Variants in SPOCK1 observed in about 807,000 individuals in gnomAD.
SPOCK1 encodes testican-1.
SPOCK1 carries 23 observed loss-of-function variants against 55.3 expected under a neutral mutation model. The ratio of observed to expected loss-of-function variants is 0.42; its 90% confidence interval spans 0.30 to 0.59. SPOCK1 has a LOEUF of 0.59. SPOCK1 is among the 20% of genes least tolerant of loss of function. The probability of loss-of-function intolerance (pLI) is 0.22; values close to 1 mark genes in which losing one functional copy is unlikely to be tolerated. For synonymous variants in SPOCK1, 226 were observed against 221.0 expected (o/e 1.02, Z -0.20); for missense variants, 499 against 552.5 (o/e 0.90, Z 0.97).
chr5:137,195,075 C>T (rs187152004), intron 3 of SPOCK1, among the ~76,000 whole-genome samples: 1 of 152,320 alleles, frequency 6.6e-6, no homozygotes, highest in Non-Finnish European at 1.5e-5. Context: ...TTAAATTCAC[C>T]ACACGGCAAA....
chr5:137,197,468 G>A (rs577452378), intron 3 of SPOCK1, among the ~76,000 whole-genome samples: 100 of 152,232 alleles, frequency 6.6e-4, no homozygotes, highest in Middle Eastern at 6.8e-3. Flanking sequence ...ACAAGGTCAG[G>A]TTAAGAATCA....
At position 137,066,985 on chromosome 5, in the gene SPOCK1, C is replaced by G. The variant is rs867120024; in HGVS notation, c.589+730G>C. 1.3e-4 allele frequency among the ~76,000 whole-genome samples: 16 copies of G among 121,684 alleles called. 1 individual carries two copies. Among genetic ancestry groups the G allele is most frequent in the African/African-American group, 4.2e-4 (15 of 35,488 alleles). The allele number at this position is 121,684 out of a possible 152,430, so 79.8% of individuals were successfully genotyped here. ...GCATACACACACACACACACACACA[C>G]ACAGAGAGAGAGAGAGAGAGAGAGA... On this transcript the variant is annotated intron_variant, in intron 6 of 10. Transcript: ENST00000394945.
At chr5:137,452,798 C>T (rs777836762) in intron 2 of SPOCK1, among the ~76,000 whole-genome samples, 1 of 152,192 alleles carries the variant, frequency 6.6e-6, no homozygotes, top group Admixed American at 6.5e-5. Flanking sequence ...CTGTTTCCTC[C>T]ACTGCTCTAT....
intron 2 of SPOCK1, among the ~76,000 whole-genome samples, chr5:137,272,137 C>T (rs1018936427): frequency 1.3e-5 from 2 of 152,140 alleles, no homozygotes; most frequent in African/African-American, 4.8e-5. Context: ...TTGTAGATCC[C>T]AGATGGAGGC....
In SPOCK1 at chr5:137,111,429, C is replaced by G. The variant is rs570699959; in HGVS notation, c.474+1006G>C. 9.0e-4 allele frequency among the ~76,000 whole-genome samples: 137 copies of G among 152,268 alleles called. 1 individual carries two copies. The highest frequency in any genetic ancestry group is 3.2e-3 in the African/African-American group (133 of 41,534). On this transcript the variant is annotated intron_variant, in intron 5 of 10. Coordinates refer to ENST00000394945, the MANE Select transcript of SPOCK1 (RefSeq NM_004598.4). ...GGAGGAGATGGGGAGGGCAAGAGCT[C>G]TACTCCCACCCACCATGTCTTACAG...
At chr5:137,168,052 TAAAC>T (rs1489676619) in intron 3 of SPOCK1, among the ~76,000 whole-genome samples, 4 of 151,858 alleles carry the variant, frequency 2.6e-5, no homozygotes. Flanking sequence ...TCTGAAAAGA[TAAAC>T]AAAATTGACA....
chr5:137,490,195 CA>C (rs772880776), intron 2 of SPOCK1, among the ~76,000 whole-genome samples: 37 of 152,330 alleles, frequency 2.4e-4, no homozygotes, highest in Non-Finnish European at 4.4e-4. Flanking sequence ...AAGCCACAAC[CA>C]ACCTGCTTGG....
intron 2 of SPOCK1, among the ~76,000 whole-genome samples, chr5:137,363,047 G>A (rs1257840426): frequency 6.6e-6 from 1 of 152,216 alleles, no homozygotes; most frequent in Non-Finnish European, 1.5e-5. Context: ...CCTCATGACA[G>A]TAATCAATCC....
intron 2 of SPOCK1, among the ~76,000 whole-genome samples, chr5:137,268,050 C>G (rs1359732809): frequency 6.6e-6 from 1 of 152,202 alleles, no homozygotes; most frequent in Non-Finnish European, 1.5e-5. Flanking sequence ...TCTGGTAAAG[C>G]TAATTTACAT....
intron 6 of SPOCK1, among the ~76,000 whole-genome samples, chr5:137,042,695 G>GT (rs1201174386): frequency 6.6e-6 from 1 of 152,112 alleles, no homozygotes; most frequent in African/African-American, 2.4e-5. Flanking sequence ...ATAGTGGATG[G>GT]TGGGAGCCAA....
At chr5:137,296,019 T>C (rs1257587211) in intron 2 of SPOCK1, among the ~76,000 whole-genome samples, 1 of 152,150 alleles carries the variant, frequency 6.6e-6, no homozygotes, top group Non-Finnish European at 1.5e-5. Context: ...GATTAGGTTG[T>C]GAGGGCACAG....
At chr5:137,260,688 C>T (rs1454990354) in intron 3 of SPOCK1, among the ~76,000 whole-genome samples, 1 of 152,222 alleles carries the variant, frequency 6.6e-6, no homozygotes, top group African/African-American at 2.4e-5. Context: ...TTTGATCAAA[C>T]ATCAAGGCAG....
chr5:136,994,105 C>G (rs1750998552), intron 6 of SPOCK1, among the ~76,000 whole-genome samples: 2 of 152,186 alleles, frequency 1.3e-5, no homozygotes, highest in African/African-American at 4.8e-5. Context: ...GACTGGGTCT[C>G]TGCAACCTGG....
At chr5:137,309,548 C>T (rs754739297) in intron 2 of SPOCK1, among the ~76,000 whole-genome samples, 4 of 152,214 alleles carry the variant, frequency 2.6e-5, no homozygotes, top group Non-Finnish European at 5.9e-5. Flanking sequence ...TTGGGACATG[C>T]ACTAAACACA....
chr5:137,400,660 G>A (rs996291934), intron 2 of SPOCK1, among the ~76,000 whole-genome samples: 7 of 152,162 alleles, frequency 4.6e-5, no homozygotes, highest in African/African-American at 1.7e-4. Flanking sequence ...TGGCAGTGTG[G>A]TCAGCACAGT....
At chr5:137,294,491 C>G (rs1757438323) in intron 2 of SPOCK1, among the ~76,000 whole-genome samples, 1 of 152,246 alleles carries the variant, frequency 6.6e-6, no homozygotes, top group Non-Finnish European at 1.5e-5. Context: ...AACACCCATG[C>G]TGTCTCCATC....
chr5:137,024,678 G>A (rs1478545503), intron 6 of SPOCK1, among the ~76,000 whole-genome samples: 1 of 151,592 alleles, frequency 6.6e-6, no homozygotes, highest in Non-Finnish European at 1.5e-5. Context: ...AATATCCACT[G>A]ATCTCATGAT....
intron 3 of SPOCK1, among the ~76,000 whole-genome samples, chr5:137,172,938 T>C (rs1348368752): frequency 1.3e-5 from 2 of 152,138 alleles, no homozygotes; most frequent in African/African-American, 4.8e-5. Context: ...GCTAAGCACA[T>C]GGTTGACCAG....
At position 137,246,433 on chromosome 5, in the gene SPOCK1, CTAGT is replaced by C. The variant is rs1392233302; in HGVS notation, c.232+20573_232+20576del. Among the ~76,000 whole-genome samples the C allele has an allele frequency of 2.0e-4, 31 of 152,200 alleles. 2 individuals are homozygous for C. The highest frequency in any genetic ancestry group is 2.0e-3 in the Admixed American group (31 of 15,282). On this transcript the variant is annotated intron_variant, in intron 3 of 10. Coordinates refer to ENST00000394945, the MANE Select transcript of SPOCK1 (RefSeq NM_004598.4). ...TCCCTATAACCTACATCCATTGAGA[CTAGT>C]TCTACCTCCTGGAATCAAACATAAC...
Sources: gnomAD v4.1 joint callset for allele counts (sites outside exome capture counted in the v4.1 genomes callset) on GRCh38, gnomAD v4.1.1 for gene constraint, MANE v1.5 for transcripts, NCBI Gene and HGNC (gene_info 2026-07-23, HGNC 2026-07-21) for gene names.